WWOX: variants seen among roughly 807,000 people sequenced by gnomAD.
The protein encoded by WWOX is WW domain-containing oxidoreductase.
In WWOX, 69 loss-of-function variants were observed where a neutral mutation model predicts 46.2. That is an observed-to-expected ratio of 1.49 (90% CI 1.23 to 1.82). WWOX has a LOEUF of 1.82. Among genes scored for constraint, WWOX ranks in the 40% most tolerant of loss-of-function variants. WWOX has a pLI of 0.00. For missense variants in WWOX, 919 were observed against 542.6 expected (o/e 1.69, Z -6.89); for synonymous variants, 359 against 202.6 (o/e 1.77, Z -6.56).
intron 8 of WWOX, among the ~76,000 whole-genome samples, chr16:79,048,864 A>C (rs1241918134): frequency 6.6e-6 from 1 of 152,142 alleles, no homozygotes; most frequent in Non-Finnish European, 1.5e-5. Context: ...GCTGCAATAT[A>C]GCACATCTCT....
chr16:78,333,812 T>A (rs971512987), intron 5 of WWOX, among the ~76,000 whole-genome samples: 2 of 152,234 alleles, frequency 1.3e-5, no homozygotes, highest in Non-Finnish European at 2.9e-5. Context: ...GAAGACATAC[T>A]TGAATTTTAA....
chr16:78,944,804 G>A (rs1305365456), intron 8 of WWOX, among the ~76,000 whole-genome samples: 3 of 152,126 alleles, frequency 2.0e-5, no homozygotes, highest in Admixed American at 6.5e-5. Flanking sequence ...AAATTGGAGA[G>A]GTTCCTTGAC....
At chr16:78,542,461 T>G (rs2043921795) in intron 8 of WWOX, among the ~76,000 whole-genome samples, 1 of 152,116 alleles carries the variant, frequency 6.6e-6, no homozygotes, top group Admixed American at 6.5e-5. Flanking sequence ...GTCCCAGATT[T>G]TTTTTGTTTT....
chr16:78,809,646 C>A (rs1259315081), intron 8 of WWOX, among the ~76,000 whole-genome samples: 10 of 152,100 alleles, frequency 6.6e-5, no homozygotes, highest in Admixed American at 1.3e-4. Flanking sequence ...TACACAGGGG[C>A]CCCCCACCCC....
intron 8 of WWOX, among the ~76,000 whole-genome samples, chr16:78,675,176 T>C (rs139743555): frequency 5.1e-4 from 78 of 152,268 alleles, no homozygotes; most frequent in African/African-American, 1.9e-3. Context: ...TATTTTTATG[T>C]ATATTTAACA....
intron 3 of WWOX, among the ~76,000 whole-genome samples, chr16:78,113,986 G>C (rs2032637235): frequency 6.7e-6 from 1 of 149,928 alleles, no homozygotes; most frequent in African/African-American, 2.4e-5. Context: ...CTTCTTAATA[G>C]TTTTTAAGAT....
intron 5 of WWOX, among the ~76,000 whole-genome samples, chr16:78,294,583 T>C: frequency 6.6e-6 from 1 of 152,136 alleles, no homozygotes; most frequent in Non-Finnish European, 1.5e-5. Context: ...AATTATCTAT[T>C]TGTGTGTGTA....
intron 8 of WWOX, chr16:79,110,653 T>C (rs1000184517): frequency 2.6e-5 from 4 of 152,228 alleles, no homozygotes; most frequent in East Asian, 1.9e-4. Flanking sequence ...CTCTTCATTG[T>C]TGTTAAACTC....
At chr16:78,819,465 C>G (rs1437580934) in intron 8 of WWOX, among the ~76,000 whole-genome samples, 3 of 152,154 alleles carry the variant, frequency 2.0e-5, no homozygotes, top group Admixed American at 2.0e-4. Context: ...CTGGAAGTTA[C>G]CACCCTTTTT....
chr16:79,183,108 A>G (rs2050944740), intron 8 of WWOX, among the ~76,000 whole-genome samples: 1 of 152,186 alleles, frequency 6.6e-6, no homozygotes, highest in Non-Finnish European at 1.5e-5. Flanking sequence ...GCTGGCCTTC[A>G]TGCAGGTGGA....
intron 8 of WWOX, chr16:79,203,685 A>G (rs773136443): frequency 1.1e-4 from 17 of 152,166 alleles, no homozygotes; most frequent in Non-Finnish European, 2.1e-4. Flanking sequence ...TTGCAGGCAG[A>G]CTTCGTAGAG....
chr16:78,855,792 C>G (rs537023990), intron 8 of WWOX, among the ~76,000 whole-genome samples: 1 of 152,208 alleles, frequency 6.6e-6, no homozygotes, highest in South Asian at 2.1e-4. Flanking sequence ...AAAAGATAGC[C>G]TGTTCATTCA....
intron 8 of WWOX, among the ~76,000 whole-genome samples, chr16:78,873,815 C>T (rs753233125): frequency 5.9e-5 from 9 of 151,974 alleles, no homozygotes; most frequent in African/African-American, 2.2e-4. Context: ...TAAAATAAAA[C>T]GAGATATTTG....
intron 5 of WWOX, 24 bp downstream of exon 5, chr16:78,164,313 T>G: frequency 5.6e-6 from 9 of 1,605,688 alleles, no homozygotes; most frequent in Non-Finnish European, 6.8e-6. Flanking sequence ...TGTTGTTGTT[T>G]TTTTTAATTG....
At chr16:78,670,446 G>A (rs769286164) in intron 8 of WWOX, among the ~76,000 whole-genome samples, 2 of 151,968 alleles carry the variant, frequency 1.3e-5, no homozygotes, top group South Asian at 4.2e-4. Context: ...GAACTATTAG[G>A]GCTGATCTCT....
chr16:78,716,632 G>T (rs940149685), intron 8 of WWOX, among the ~76,000 whole-genome samples: 1 of 151,980 alleles, frequency 6.6e-6, no homozygotes, highest in Non-Finnish European at 1.5e-5. Context: ...TATAGGTTCT[G>T]TGATAACGCT....
At chr16:78,572,259 G>A (rs1235522848) in intron 8 of WWOX, among the ~76,000 whole-genome samples, 1 of 152,134 alleles carries the variant, frequency 6.6e-6, no homozygotes, top group East Asian at 1.9e-4. Context: ...ACCAGAACGT[G>A]CATCAACACA....
rs574173298 is a variant in WWOX, at chr16:78,686,417, A to T, written c.1056+253665A>T. ...TCCCAGCTAGTCGGGAGGCCGAGGC[A>T]GGAGAATGGTGTCAACCCGGGAGGT... On this transcript the variant is annotated intron_variant, in intron 8 of 8. Transcript: ENST00000566780. Among the ~76,000 whole-genome samples, 232 of 152,168 alleles carry T rather than the reference A, an allele frequency of 1.5e-3. 2 individuals carry two copies. The highest frequency in any genetic ancestry group is 6.8e-3 in the Middle Eastern group (2 of 294).
At chr16:78,967,432 C>T (rs1484082955) in intron 8 of WWOX, among the ~76,000 whole-genome samples, 2 of 147,934 alleles carry the variant, frequency 1.4e-5, no homozygotes, top group Admixed American at 6.8e-5. Flanking sequence ...CACAAGTATG[C>T]ACCAACATGC....
Sources: allele counts gnomAD v4.1 joint callset (sites outside exome capture counted in the v4.1 genomes callset), GRCh38; gene constraint gnomAD v4.1.1; transcripts MANE v1.5; gene names NCBI Gene and HGNC (gene_info 2026-07-23, HGNC 2026-07-21).